The following ORC4 variants were observed in gnomAD, a reference collection of about 807,000 sequenced individuals.
ORC4 encodes the protein origin recognition complex subunit 4, also known as origin recognition complex, subunit 4 homolog.
A neutral mutation model predicts 63.9 loss-of-function variants in ORC4; 55 were observed. The observed-to-expected ratio is 0.86, with a 90% CI of 0.69 to 1.08. ORC4 has a LOEUF of 1.08. Ranked by LOEUF, ORC4 falls within the 50% of genes least tolerant of loss-of-function variation. The probability of loss-of-function intolerance (pLI) is 0.00; values close to 1 mark genes in which losing one functional copy is unlikely to be tolerated. For missense variants in ORC4, 511 were observed against 504.4 expected (o/e 1.01, Z -0.13); for synonymous variants, 150 against 168.5 (o/e 0.89, Z 0.85).
At chr2:148,019,181 A>G (rs1401217694) in intron 1 of ORC4, among the ~76,000 whole-genome samples, 3 of 152,204 alleles carry the variant, frequency 2.0e-5, no homozygotes, top group Admixed American at 6.5e-5. Flanking sequence ...ATTACCGTAC[A>G]CAATACAGAA....
intron 11 of ORC4, 25 bp from the exon 12 acceptor site, chr2:147,938,418 A>G (rs768801002): frequency 7.9e-7 from 1 of 1,273,102 alleles, no homozygotes; most frequent in Non-Finnish European, 1.1e-6. Flanking sequence ...AAAAAAAACT[A>G]TCAGTTTAAT....
At chr2:148,020,811 T>C (rs1351585581), upstream of ORC4, 1 of 148,290 alleles carries the variant, frequency 6.7e-6, no homozygotes, top group East Asian at 2.1e-4. Flanking sequence ...CCTCCTTTCG[T>C]CTCCGTCCAC....
chr2:148,011,575 C>T (rs1558880996), intron 1 of ORC4, among the ~76,000 whole-genome samples: 1 of 152,114 alleles, frequency 6.6e-6, no homozygotes, highest in Admixed American at 6.5e-5. Context: ...AGGATGGGCA[C>T]TTTCACCACT....
intron 1 of ORC4, among the ~76,000 whole-genome samples, chr2:147,995,391 G>A (rs1440402879): frequency 6.6e-6 from 1 of 151,998 alleles, no homozygotes; most frequent in Non-Finnish European, 1.5e-5. Context: ...AATAAAAGTT[G>A]GCATGGACCA....
At chr2:148,005,667 A>AC (rs1450515022) in intron 1 of ORC4, among the ~76,000 whole-genome samples, 1 of 147,786 alleles carries the variant, frequency 6.8e-6, no homozygotes, top group Non-Finnish European at 1.5e-5. Flanking sequence ...AAAAAAAAAA[A>AC]AAAAAAAAAA....
rs187056904 is a variant in ORC4, at chr2:148,000,506, T to C, written c.-18+20127A>G. Among the ~76,000 whole-genome samples, 148 of 152,198 alleles carry C rather than the reference T, an allele frequency of 9.7e-4. 3 individuals are homozygous for C. The highest frequency in any genetic ancestry group is 8.1e-3 in the Admixed American group (123 of 15,248). On this transcript the variant is annotated intron_variant, in intron 1 of 13. Transcript: ENST00000392857. ...AGTTGGGGTAAAATAAAGACACTTA[T>C]ATAAATATAATACCACAGAACACTT...
chr2:147,946,295 G>GAA lies in ORC4; in HGVS notation c.762+1754_762+1755dup, dbSNP rs143757316. ...AGAAGATTAAGTGTGAGCAGGTATG[G>GAA]AAAAAAAAAAGCCCATGGAAAGTAC... On this transcript the variant is annotated intron_variant, in intron 9 of 13. Coordinates refer to ENST00000392857, the MANE Select transcript of ORC4 (RefSeq NM_181741.4). Among the ~76,000 whole-genome samples the GAA allele has an allele frequency of 7.5e-5, 11 of 146,424 alleles. No individual in the cohort carries two copies. The South Asian group carries it at 1.7e-3, about 23-fold the overall frequency.
rs62169529 is a variant in ORC4 at position 147,975,504 on chromosome 2, G to A, written c.57+398C>T. 4.9e-3 allele frequency among the ~76,000 whole-genome samples: 68 copies of A among 13,838 alleles called. 1 individual carries two copies. The highest frequency in any genetic ancestry group is 4.2e-3 in the Admixed American group (5 of 1,200). 9.1% of individuals were successfully genotyped at this position (13,838 alleles called of 152,430 possible). ...AAGCCAGGGCAATTAGGCAAGAAAA[G>A]GGAAAAAAAAAAAAAGGCATCTAGA... On this transcript the variant is annotated intron_variant, in intron 2 of 13. Transcript: ENST00000392857.
chr2:148,006,239 C>T (rs182003092), intron 1 of ORC4, among the ~76,000 whole-genome samples: 12 of 152,222 alleles, frequency 7.9e-5, no homozygotes, highest in Admixed American at 7.2e-4. Context: ...CAGCAGAACA[C>T]AACACAGGGC....
rs1177950457 is a variant in ORC4, at chr2:147,973,438, C to A, written c.134+10G>T. The A allele has an allele frequency of 1.3e-6, 2 of 1,550,094 alleles. No homozygotes were observed. Among genetic ancestry groups the A allele is most frequent in the Non-Finnish European group, 1.8e-6 (2 of 1,122,150 alleles). ...AGGTCCATAACAGTCAAGAGGACAG[C>A]TAGACTTACTTGTATTGTACTTGCA... On this transcript the variant is annotated intron_variant, in intron 3 of 13. Coordinates refer to ENST00000392857, the MANE Select transcript of ORC4 (RefSeq NM_181741.4).
intron 1 of ORC4, among the ~76,000 whole-genome samples, chr2:147,992,132 A>G (rs1273997566): frequency 1.3e-5 from 2 of 152,232 alleles, no homozygotes; most frequent in Non-Finnish European, 2.9e-5. Context: ...AGTGATCAAC[A>G]GTAGTCTATG....
Position 147,992,074 on chromosome 2 carries a change from C to T in ORC4, c.-17-16099G>A, listed in dbSNP as rs1201010943. Among the ~76,000 whole-genome samples, 3 of 152,230 alleles carry T rather than the reference C, an allele frequency of 2.0e-5. No individual in the cohort carries two copies. The East Asian group carries it at 5.8e-4, about 29-fold the overall frequency. On this transcript the variant is annotated intron_variant, in intron 1 of 13. Coordinates refer to ENST00000392857, the MANE Select transcript of ORC4 (RefSeq NM_181741.4). Reference sequence around the variant, plus strand: ...AAATCCTTTAGAAGCTTTGGAAATGCATTATATGATCTTACTGGCACTGAC... The same window carrying T: ...AAATCCTTTAGAAGCTTTGGAAATGTATTATATGATCTTACTGGCACTGAC...
intron 13 of ORC4, among the ~76,000 whole-genome samples, chr2:147,937,376 A>G (rs1208243718): frequency 6.6e-6 from 1 of 152,150 alleles, no homozygotes; most frequent in Non-Finnish European, 1.5e-5. Flanking sequence ...GAAAATTCTG[A>G]GCATGTTTAG....
intron 1 of ORC4, among the ~76,000 whole-genome samples, chr2:148,004,216 A>G (rs184268584): frequency 2.0e-5 from 3 of 152,332 alleles, no homozygotes; most frequent in Admixed American, 2.0e-4. Context: ...TGCTAAACCC[A>G]TCAAGCTACC....
chr2:148,015,328 T>C (rs1247746565), intron 1 of ORC4, among the ~76,000 whole-genome samples: 1 of 145,940 alleles, frequency 6.9e-6, no homozygotes, highest in Non-Finnish European at 1.5e-5. Flanking sequence ...TTTTTTTTTT[T>C]TTTTGAGATG....
At chr2:147,998,019 G>A (rs1437551682) in intron 1 of ORC4, among the ~76,000 whole-genome samples, 2 of 152,124 alleles carry the variant, frequency 1.3e-5, no homozygotes, top group African/African-American at 4.8e-5. Context: ...ATGGATATTA[G>A]CTGAAACCCA....
At chr2:147,945,006 G>T (rs1688577983) in intron 9 of ORC4, among the ~76,000 whole-genome samples, 1 of 151,786 alleles carries the variant, frequency 6.6e-6, no homozygotes, top group African/African-American at 2.4e-5. Flanking sequence ...ATACCTTTTG[G>T]AAATTAAAAA....
intron 11 of ORC4, 106 bp downstream of exon 11, chr2:147,939,033 AT>A: frequency 1.4e-6 from 1 of 734,652 alleles, no homozygotes. Context: ...ATACGAAAGT[AT>A]TTTATAAAGC....
chr2:147,958,815 T>G lies in ORC4; in HGVS notation c.277A>C (p.Asn93His). ...CCATTTAAGTGAACTTGTAATACAT[T>G]TTCACTCACTTCTTCTATTTCCATG... ...ELMEIEEVSE[N>H]VLQVHLNGLL... Residue 93 changes from asparagine to histidine, a missense_variant, in exon 5 of 14, where the codon AAT becomes CAT. Transcript: ENST00000392857. 1 of 1,462,564 alleles carries G rather than the reference T, an allele frequency of 6.8e-7. No homozygotes were observed. The highest frequency in any genetic ancestry group is 1.4e-5 in the African/African-American group (1 of 72,018). The allele number at this position is 1,462,564 out of a possible 1,614,324, so 90.6% of individuals were successfully genotyped here.
Sources: allele counts gnomAD v4.1 joint callset (sites outside exome capture counted in the v4.1 genomes callset), GRCh38; gene constraint gnomAD v4.1.1; transcripts MANE v1.5; gene names NCBI Gene and HGNC (gene_info 2026-07-23, HGNC 2026-07-21).